The following RAB38 variants were observed in gnomAD, a reference collection of about 807,000 sequenced individuals.
RAB38 encodes the protein ras-related protein Rab-38.
RAB38 carries 15 observed loss-of-function variants against 18.4 expected under a neutral mutation model. That is an observed-to-expected ratio of 0.82 (90% CI 0.55 to 1.26). RAB38 has a LOEUF of 1.26. Ranked by LOEUF, RAB38 falls within the 50% of genes most tolerant of loss-of-function variation. The probability of loss-of-function intolerance (pLI) is 0.00; values close to 1 mark genes in which losing one functional copy is unlikely to be tolerated. For missense variants in RAB38, 294 were observed against 267.4 expected, an observed-to-expected ratio of 1.10 and a Z score of -0.69; for synonymous variants, 101 against 104.4, an observed-to-expected ratio of 0.97 and a Z score of 0.20.
At chr11:88,042,105 C>A in the RAB38 span, among the ~76,000 whole-genome samples, 2 of 152,046 alleles carry the variant, frequency 1.3e-5, no homozygotes, top group Non-Finnish European at 2.9e-5. Flanking sequence ...CAGCCACATT[C>A]AAAATCTACT....
the RAB38 span, among the ~76,000 whole-genome samples, chr11:88,028,044 G>A: frequency 2.0e-5 from 3 of 152,176 alleles, no homozygotes; most frequent in Non-Finnish European, 2.9e-5. Flanking sequence ...CCAGAAGAAC[G>A]ATCAGACAGC....
At chr11:88,149,292 T>C (rs1943033141) in intron 2 of RAB38, among the ~76,000 whole-genome samples, 1 of 152,222 alleles carries the variant, frequency 6.6e-6, no homozygotes, top group Admixed American at 6.5e-5. Flanking sequence ...ATTGATTGTG[T>C]AAATTAACTA....
chr11:88,033,725 CTTT>C, the RAB38 span, among the ~76,000 whole-genome samples: 809 of 101,090 alleles, frequency 8.0e-3, 2 homozygotes, highest in Non-Finnish European at 0.012. Context: ...GTTGTGTTGC[CTTT>C]TTTTTTTTTT....
the RAB38 span, among the ~76,000 whole-genome samples, chr11:88,036,643 A>G: frequency 6.6e-6 from 1 of 152,066 alleles, no homozygotes; most frequent in African/African-American, 2.4e-5. Context: ...TTTTCTATAT[A>G]AATATGTTAT....
chr11:88,038,443 T>G, the RAB38 span, among the ~76,000 whole-genome samples: 5,120 of 152,270 alleles, frequency 0.034, 224 homozygotes, highest in South Asian at 0.075. Context: ...ATCAATTCGA[T>G]ATTTTTTCTA....
chr11:87,928,375 A>C, the RAB38 span, among the ~76,000 whole-genome samples: 9 of 152,062 alleles, frequency 5.9e-5, no homozygotes, highest in African/African-American at 2.2e-4. Flanking sequence ...ATAAATGAAA[A>C]AATGGAAAGT....
At chr11:88,145,186 G>A (rs1257029093) in intron 2 of RAB38, among the ~76,000 whole-genome samples, 1 of 151,374 alleles carries the variant, frequency 6.6e-6, no homozygotes, top group East Asian at 1.9e-4. Context: ...TTTTGCTCAA[G>A]TCGCCCAGGC....
the RAB38 span, among the ~76,000 whole-genome samples, chr11:88,022,612 A>C: frequency 2.8e-4 from 5 of 17,748 alleles, no homozygotes; most frequent in African/African-American, 1.1e-3. Context: ...AAGACCCCAC[A>C]AAAAAAAAAA....
At chr11:88,030,415 C>T in the RAB38 span, among the ~76,000 whole-genome samples, 1 of 152,166 alleles carries the variant, frequency 6.6e-6, no homozygotes, top group South Asian at 2.1e-4. Flanking sequence ...ACAAAAAACT[C>T]TTCAAAAAAT....
the RAB38 span, among the ~76,000 whole-genome samples, chr11:88,106,967 C>T: frequency 6.6e-6 from 1 of 152,032 alleles, no homozygotes; most frequent in South Asian, 2.1e-4. Flanking sequence ...AAGTACTAGA[C>T]AGAGAAGAGC....
the RAB38 span, among the ~76,000 whole-genome samples, chr11:87,850,899 A>G: frequency 6.6e-6 from 1 of 152,188 alleles, no homozygotes; most frequent in East Asian, 1.9e-4. Context: ...TGGAAAATCA[A>G]AGTGCATGTC....
At chr11:87,904,661 G>C in the RAB38 span, among the ~76,000 whole-genome samples, 1 of 151,574 alleles carries the variant, frequency 6.6e-6, no homozygotes, top group African/African-American at 2.4e-5. Flanking sequence ...TCTCCAAACT[G>C]CTTTCCACAG....
At chr11:88,108,694 G>C (rs111807184), downstream of RAB38, among the ~76,000 whole-genome samples, 4,134 of 152,234 alleles carry the variant, frequency 0.027, 194 homozygotes, top group African/African-American at 0.091. Context: ...TATGATGCTA[G>C]CTGGTTATTT....
the RAB38 span, among the ~76,000 whole-genome samples, chr11:88,072,781 C>T: frequency 6.6e-6 from 1 of 151,864 alleles, no homozygotes; most frequent in African/African-American, 2.4e-5. Flanking sequence ...AAATCAGTAA[C>T]GTATGCTTCT....
chr11:87,927,988 G>C, the RAB38 span, among the ~76,000 whole-genome samples: 3 of 151,972 alleles, frequency 2.0e-5, no homozygotes, highest in African/African-American at 7.2e-5. Context: ...TGAGGTGGGA[G>C]GATTGCTTGA....
chr11:87,875,928 A>G, the RAB38 span, among the ~76,000 whole-genome samples: 1 of 151,560 alleles, frequency 6.6e-6, no homozygotes, highest in Non-Finnish European at 1.5e-5. Context: ...AACAGATTTT[A>G]CTTTTTCCTC....
chr11:87,878,222 T>TACACACACAC, the RAB38 span, among the ~76,000 whole-genome samples: 1 of 116,154 alleles, frequency 8.6e-6, no homozygotes, highest in African/African-American at 4.5e-5. Flanking sequence ...TATATATATA[T>TACACACACAC]ACACACATAT....
chr11:88,136,049 A>G (rs963900439), intron 2 of RAB38, among the ~76,000 whole-genome samples: 1 of 152,248 alleles, frequency 6.6e-6, no homozygotes, highest in African/African-American at 2.4e-5. Flanking sequence ...GTTCAAGGAA[A>G]TGGATTTACA....
At chr11:87,842,577 G>A in the RAB38 span, among the ~76,000 whole-genome samples, 45 of 152,158 alleles carry the variant, frequency 3.0e-4, no homozygotes, top group African/African-American at 9.4e-4. Context: ...GTGCTTATCC[G>A]GAATCTCTAA....
Sources: allele counts gnomAD v4.1 joint callset (sites outside exome capture counted in the v4.1 genomes callset), GRCh38; gene constraint gnomAD v4.1.1; transcripts MANE v1.5; gene names NCBI Gene and HGNC (gene_info 2026-07-23, HGNC 2026-07-21).